The following STK3 variants were observed in gnomAD, a reference collection of about 807,000 sequenced individuals.
STK3 encodes the protein serine/threonine kinase 3.
Under a neutral mutation model 58.0 loss-of-function variants are expected in STK3, and 41 were observed. That is an observed-to-expected ratio of 0.71 (90% confidence interval 0.55 to 0.92). The LOEUF (loss-of-function observed/expected upper bound fraction) is 0.92. Among genes scored for constraint, STK3 ranks in the 40% least tolerant of loss-of-function variants. STK3 has a pLI of 0.00. For missense variants in STK3, 479 were observed against 602.7 expected (o/e 0.79, Z 2.15); for synonymous variants, 170 against 191.0 (o/e 0.89, Z 0.91).
downstream of STK3, among the ~76,000 whole-genome samples, chr8:98,399,772 G>A (rs755810941): frequency 6.6e-6 from 1 of 152,212 alleles, no homozygotes; most frequent in Non-Finnish European, 1.5e-5. Context: ...TGGCCACTAT[G>A]TCACCAACTG....
chr8:98,370,961 T>C (rs939854813), downstream of STK3, among the ~76,000 whole-genome samples: 1 of 152,168 alleles, frequency 6.6e-6, no homozygotes, highest in Non-Finnish European at 1.5e-5. Flanking sequence ...AGACTTTGCC[T>C]AGAGTAGGCA....
downstream of STK3, among the ~76,000 whole-genome samples, chr8:98,400,452 C>G (rs1485883287): frequency 1.3e-5 from 2 of 152,228 alleles, no homozygotes; most frequent in Non-Finnish European, 1.5e-5. Context: ...GCACCCATCC[C>G]GGGCTCTGTC....
intron 6 of STK3, among the ~76,000 whole-genome samples, chr8:98,659,499 ATTAC>A (rs1821804479): frequency 6.6e-6 from 1 of 151,768 alleles, no homozygotes; most frequent in African/African-American, 2.4e-5. Context: ...TTTTGATGGA[ATTAC>A]TTAACTTTTT....
chr8:98,482,766 T>C (rs1821951669), intron 10 of STK3, among the ~76,000 whole-genome samples: 1 of 152,070 alleles, frequency 6.6e-6, no homozygotes, highest in South Asian at 2.1e-4. Flanking sequence ...AATTATTCCC[T>C]GGGTAGAAGT....
At chr8:98,429,035 G>T (rs1818290634) in intron 3 of STK3, 1 of 1,613,442 alleles carries the variant, frequency 6.2e-7, no homozygotes, top group African/African-American at 1.3e-5. Context: ...CCATTGAAAA[G>T]GAGGAGAACG....
chr8:98,483,288 G>T lies in STK3; in HGVS notation c.1318-27288C>A, dbSNP rs151009652. Among the ~76,000 whole-genome samples the T allele has an allele frequency of 2.0e-4, 30 of 152,318 alleles. No homozygotes were observed. The South Asian group carries it at 2.3e-3, about 12-fold the overall frequency. On this transcript the variant is annotated intron_variant, in intron 10 of 10. Transcript: ENST00000419617. ...AATATAACACACATAAATAAAGGCA[G>T]TAACAAACACTTAATTTTGGATTAG...
chr8:98,523,262 T>C (rs776858342), intron 10 of STK3, among the ~76,000 whole-genome samples: 1 of 152,216 alleles, frequency 6.6e-6, no homozygotes, highest in Admixed American at 6.5e-5. Flanking sequence ...TAGTATCTTA[T>C]TGTAGTTTTG....
At chr8:98,390,982 G>C (rs903390871), upstream of STK3, among the ~76,000 whole-genome samples, 33 of 151,986 alleles carry the variant, frequency 2.2e-4, no homozygotes, top group African/African-American at 7.5e-4. Context: ...TTTTATTATA[G>C]CTGCTCTGAA....
intron 6 of STK3, among the ~76,000 whole-genome samples, chr8:98,604,735 C>T (rs767906744): frequency 3.3e-4 from 51 of 152,278 alleles, no homozygotes; most frequent in Non-Finnish European, 6.0e-4. Flanking sequence ...TTCTTTTCTA[C>T]CACATGGCTG....
intron 3 of STK3, among the ~76,000 whole-genome samples, chr8:98,402,421 G>A (rs763398653): frequency 6.6e-6 from 1 of 152,202 alleles, no homozygotes; most frequent in Non-Finnish European, 1.5e-5. Flanking sequence ...GAGCTCCCTG[G>A]AGTCTGTGTT....
intron 1 of STK3, among the ~76,000 whole-genome samples, chr8:98,814,355 T>G (rs1482536591): frequency 6.6e-6 from 1 of 151,434 alleles, no homozygotes; most frequent in Admixed American, 6.6e-5. Context: ...CCAGCATTTT[T>G]TTTTTTTTTT....
chr8:98,649,901 C>T (rs922894981), intron 6 of STK3, among the ~76,000 whole-genome samples: 10 of 152,170 alleles, frequency 6.6e-5, no homozygotes, highest in African/African-American at 2.2e-4. Context: ...AGTGTAATGT[C>T]TTTCAATTAG....
At chr8:98,633,933 G>A (rs1302420283) in intron 6 of STK3, 1 of 242,006 alleles carries the variant, frequency 4.1e-6, no homozygotes, top group African/African-American at 2.3e-5. Context: ...CTAGCTAGAA[G>A]TTTCAGAATA....
chr8:98,660,194 T>G (rs1003382440), intron 6 of STK3, among the ~76,000 whole-genome samples: 1 of 152,012 alleles, frequency 6.6e-6, no homozygotes, highest in Non-Finnish European at 1.5e-5. Flanking sequence ...TGATTACACT[T>G]ACAGGAAGTA....
chr8:98,371,992 G>C (rs532886676), intron 2 of STK3, among the ~76,000 whole-genome samples: 35 of 152,250 alleles, frequency 2.3e-4, no homozygotes, highest in African/African-American at 8.4e-4. Context: ...GGGGAGGGGG[G>C]TCCTTAAACC....
intron 8 of STK3, among the ~76,000 whole-genome samples, chr8:98,559,866 A>G (rs1811877025): frequency 6.6e-6 from 1 of 152,118 alleles, no homozygotes. Flanking sequence ...AAATGGTCAA[A>G]GGATAACTAT....
upstream of STK3, among the ~76,000 whole-genome samples, chr8:98,388,470 G>C (rs990903952): frequency 6.6e-6 from 1 of 152,162 alleles, no homozygotes; most frequent in Non-Finnish European, 1.5e-5. Context: ...CTTCTAATGC[G>C]ATGTATTTGG....
At chr8:98,851,783 G>A (rs188861542) in intron 3 of STK3, among the ~76,000 whole-genome samples, 22 of 152,204 alleles carry the variant, frequency 1.4e-4, no homozygotes, top group Admixed American at 8.5e-4. Context: ...CCACATATCA[G>A]GCTTTTAAAT....
At chr8:98,716,963 T>A (rs996339292) in intron 4 of STK3, among the ~76,000 whole-genome samples, 5 of 152,016 alleles carry the variant, frequency 3.3e-5, no homozygotes, top group Admixed American at 3.3e-4. Context: ...CAACTGGATA[T>A]CCGTGTGCTA....
Sources: gnomAD v4.1 joint callset for allele counts (sites outside exome capture counted in the v4.1 genomes callset) on GRCh38, gnomAD v4.1.1 for gene constraint, MANE v1.5 for transcripts, NCBI Gene and HGNC (gene_info 2026-07-23, HGNC 2026-07-21) for gene names.